The following TMC1 variants were observed in gnomAD, a reference collection of about 807,000 sequenced individuals.
The protein encoded by TMC1 is transmembrane channel like 1, also known as transmembrane channel-like protein 1.
In TMC1, 84 loss-of-function variants were observed where a neutral mutation model predicts 105.8. The observed-to-expected ratio is 0.79, with a 90% CI of 0.67 to 0.95. TMC1 has a LOEUF of 0.95. TMC1 is among the 40% of genes least tolerant of loss of function. TMC1 has a pLI of 0.00. For missense variants in TMC1, 817 were observed against 914.1 expected (o/e 0.89, Z 1.37); for synonymous variants, 315 against 311.5 (o/e 1.01, Z -0.12).
intron 18 of TMC1, among the ~76,000 whole-genome samples, chr9:72,814,896 T>G (rs921616409): frequency 1.3e-4 from 16 of 119,234 alleles, no homozygotes; most frequent in Admixed American, 1.2e-3. Context: ...TGGATCATCT[T>G]TGTGTGTGTG....
chr9:72,621,976 A>T (rs1825258630), intron 3 of TMC1, among the ~76,000 whole-genome samples: 2 of 152,238 alleles, frequency 1.3e-5, no homozygotes, highest in African/African-American at 4.8e-5. Context: ...GGTGGCAGAT[A>T]TCAGTTTATG....
intron 12 of TMC1, 124 bp from the exon 13 acceptor site, chr9:72,772,289 C>T (rs1827940579): frequency 2.6e-6 from 3 of 1,174,886 alleles, no homozygotes; most frequent in East Asian, 2.3e-5. Flanking sequence ...CAATAGGGCT[C>T]ATGTCAGAGC....
At chr9:72,735,257 G>A (rs1435671577) in intron 8 of TMC1, among the ~76,000 whole-genome samples, 2 of 152,312 alleles carry the variant, frequency 1.3e-5, no homozygotes, top group Non-Finnish European at 2.9e-5. Context: ...TGCAATTCAA[G>A]GGGGTGGTAC....
At chr9:72,766,206 A>G (rs1449182006) in intron 12 of TMC1, among the ~76,000 whole-genome samples, 6 of 152,028 alleles carry the variant, frequency 3.9e-5, no homozygotes, top group Non-Finnish European at 5.9e-5. Flanking sequence ...TCACAAGGTC[A>G]GGAGATCGAG....
At chr9:72,566,463 G>C (rs1369612848) in intron 1 of TMC1, among the ~76,000 whole-genome samples, 1 of 152,180 alleles carries the variant, frequency 6.6e-6, no homozygotes. Flanking sequence ...GAAGTGTACA[G>C]GGTTGGGGTG....
intron 13 of TMC1, among the ~76,000 whole-genome samples, chr9:72,780,293 C>T (rs942330239): frequency 6.6e-6 from 1 of 152,180 alleles, no homozygotes; most frequent in Non-Finnish European, 1.5e-5. Flanking sequence ...CTGTTACCAA[C>T]TACCACAAAA....
intron 5 of TMC1, among the ~76,000 whole-genome samples, chr9:72,652,903 C>A (rs545453000): frequency 6.6e-6 from 1 of 152,116 alleles, no homozygotes; most frequent in Non-Finnish European, 1.5e-5. Flanking sequence ...CACCATGTTG[C>A]TATACTGTCT....
intron 1 of TMC1, among the ~76,000 whole-genome samples, chr9:72,532,388 A>C (rs1823511398): frequency 6.6e-6 from 1 of 151,750 alleles, no homozygotes; most frequent in Non-Finnish European, 1.5e-5. Context: ...TAAAAATACA[A>C]AAATTAGCCA....
At chr9:72,564,601 T>C (rs932938108) in intron 1 of TMC1, among the ~76,000 whole-genome samples, 1 of 152,218 alleles carries the variant, frequency 6.6e-6, no homozygotes, top group African/African-American at 2.4e-5. Flanking sequence ...GATAATAGGA[T>C]AGGTGGTGCT....
chr9:72,538,567 G>C (rs1385918983), intron 1 of TMC1, among the ~76,000 whole-genome samples: 2 of 152,078 alleles, frequency 1.3e-5, no homozygotes, highest in African/African-American at 4.8e-5. Flanking sequence ...CTCCTATGTA[G>C]CTGGGATTAC....
intron 18 of TMC1, among the ~76,000 whole-genome samples, chr9:72,807,281 G>A (rs1443502240): frequency 2.0e-5 from 3 of 152,042 alleles, no homozygotes; most frequent in Non-Finnish European, 4.4e-5. Flanking sequence ...AGAGGGAGAG[G>A]GAGTAATTTT....
rs191132766 is a variant in TMC1, at chr9:72,754,692, T to G, written c.643-94T>G. ...CCCAAAGAGTCCCCATAAAAATGTT[T>G]CAGAAGGGCTTTTAAACAAAACCAT... is the stretch of plus-strand genomic sequence containing the variant. On this transcript the variant is annotated intron_variant, in intron 11 of 23. Transcript: ENST00000297784. The G allele has an allele frequency of 2.9e-4, 279 of 963,964 alleles. No homozygotes were observed. The African/African-American group carries it at 4.1e-3, about 14-fold the overall frequency. 59.7% of individuals were successfully genotyped at this position (963,964 alleles called of 1,614,324 possible).
At chr9:72,635,403 A>G (rs1825517670) in intron 4 of TMC1, among the ~76,000 whole-genome samples, 1 of 152,196 alleles carries the variant, frequency 6.6e-6, no homozygotes, top group Non-Finnish European at 1.5e-5. Context: ...TTCCATGGCA[A>G]CAGCCCTGCT....
intron 2 of TMC1, among the ~76,000 whole-genome samples, chr9:72,599,831 A>G (rs1824778274): frequency 6.6e-6 from 1 of 152,134 alleles, no homozygotes; most frequent in African/African-American, 2.4e-5. Flanking sequence ...AGAAAGAAAA[A>G]GAAAAAAGAA....
rs570696340 is a variant in TMC1, at chr9:72,746,268, C to T, written c.535+3743C>T. 3.3e-5 allele frequency among the ~76,000 whole-genome samples: 5 copies of T among 152,194 alleles called. No homozygotes were observed. In the East Asian group the frequency reaches 9.6e-4, roughly 29 times the overall value. On this transcript the variant is annotated intron_variant, in intron 10 of 23. Coordinates refer to ENST00000297784, the MANE Select transcript of TMC1 (RefSeq NM_138691.3). The stretch of plus-strand genomic sequence containing the variant: ...ATCTTATTTAATCCTCAGAATAAGC[C>T]TGACATTATTGATTAACTGAGCAAA...
chr9:72,820,820 C>G (rs1252381869), intron 19 of TMC1, 22 bp from the exon 20 acceptor site: 1 of 1,613,626 alleles, frequency 6.2e-7, no homozygotes, highest in African/African-American at 1.3e-5. Context: ...CAAAACTGAG[C>G]AGAGTTCTGT....
At chr9:72,558,841 C>T (rs950601521) in intron 1 of TMC1, among the ~76,000 whole-genome samples, 6 of 152,248 alleles carry the variant, frequency 3.9e-5, no homozygotes, top group African/African-American at 1.4e-4. Context: ...TTTTCTGGTA[C>T]TACTCTGGAA....
chr9:72,547,554 G>A (rs1390085957), intron 1 of TMC1, among the ~76,000 whole-genome samples: 2 of 152,170 alleles, frequency 1.3e-5, no homozygotes, highest in East Asian at 3.8e-4. Flanking sequence ...CAGTCATATG[G>A]TGACTATTAT....
rs1477150101 is a variant in TMC1 at position 72,587,246 on chromosome 9, C to A, written c.-306+9223C>A. Among the ~76,000 whole-genome samples, 6 of 151,968 alleles carry A rather than the reference C, an allele frequency of 3.9e-5. No individual in the cohort carries two copies. In the South Asian group the frequency reaches 6.2e-4, roughly 16 times the overall value. On this transcript the variant is annotated intron_variant, in intron 2 of 23. Coordinates refer to ENST00000297784, the MANE Select transcript of TMC1 (RefSeq NM_138691.3). ...TGATCTCGACTCACTGCAACCTCTG[C>A]CTCCTGGGTTCAAGTGATTCTCCTG...
Sources: allele counts gnomAD v4.1 joint callset (sites outside exome capture counted in the v4.1 genomes callset), GRCh38; gene constraint gnomAD v4.1.1; transcripts MANE v1.5; gene names NCBI Gene and HGNC (gene_info 2026-07-23, HGNC 2026-07-21).